Variants in PTPN5 observed in about 807,000 individuals in gnomAD.
PTPN5 encodes the protein protein tyrosine phosphatase non-receptor type 5.
In PTPN5, 29 loss-of-function variants were observed where a neutral mutation model predicts 73.9. The observed-to-expected ratio is 0.39, with a 90% CI of 0.29 to 0.54. The LOEUF (loss-of-function observed/expected upper bound fraction) is 0.54. PTPN5 is among the 20% of genes least tolerant of loss of function. The probability of loss-of-function intolerance (pLI) is 0.65; values close to 1 mark genes in which losing one functional copy is unlikely to be tolerated. For missense variants in PTPN5, 652 were observed against 751.4 expected, an observed-to-expected ratio of 0.87 and a Z score of 1.55; for synonymous variants, 267 against 304.7, an observed-to-expected ratio of 0.88 and a Z score of 1.29.
chr11:18,764,690 A>G (rs61056042), intron 3 of PTPN5, among the ~76,000 whole-genome samples: 3,948 of 151,824 alleles, frequency 0.026, 162 homozygotes, highest in African/African-American at 0.092. Flanking sequence ...AGAGTTCAAA[A>G]GACTTGTCTT....
intron 2 of PTPN5, among the ~76,000 whole-genome samples, chr11:18,768,555 A>C (rs1850737222): frequency 6.6e-6 from 1 of 152,172 alleles, no homozygotes; most frequent in Non-Finnish European, 1.5e-5. Context: ...CTGCTTTCAC[A>C]CCTTAAGCCT....
intron 1 of PTPN5, among the ~76,000 whole-genome samples, chr11:18,786,030 G>A (rs913793602): frequency 1.3e-5 from 2 of 152,210 alleles, no homozygotes; most frequent in Non-Finnish European, 2.9e-5. Flanking sequence ...GGGGACAAAG[G>A]AAGGAGGGTG....
chr11:18,755,897 G>A (rs1850109995), intron 3 of PTPN5, among the ~76,000 whole-genome samples: 1 of 150,744 alleles, frequency 6.6e-6, no homozygotes. Context: ...CCAGTTACTT[G>A]GAAGGCTGAG....
chr11:18,784,246 T>C (rs1008853927), intron 1 of PTPN5, among the ~76,000 whole-genome samples: 1 of 152,180 alleles, frequency 6.6e-6, no homozygotes, highest in Non-Finnish European at 1.5e-5. Flanking sequence ...TTATTCACAA[T>C]AGCCAAAAGG....
rs1197355623 is a variant in PTPN5 at position 18,777,982 on chromosome 11, GA to G, written c.-113-5912del. ...AGAAAGGAAGGAAGGAAGGAAGAAA[GA>G]AAGAAAGAAAGGAAGGAAGGAAGGA... On this transcript the variant is annotated intron_variant, in intron 1 of 14. Transcript: ENST00000358540. Among the ~76,000 whole-genome samples, 7 of 139,740 alleles carry G rather than the reference GA, an allele frequency of 5.0e-5. No homozygotes were observed. The East Asian group carries it at 6.2e-4, about 12-fold the overall frequency. The allele number at this position is 139,740 out of a possible 152,430, so 91.7% of individuals were successfully genotyped here.
In PTPN5 at chr11:18,729,682, C is replaced by A. The variant is rs1458836473; in HGVS notation, c.1466G>T (p.Cys489Phe). The change falls in exon 13 of 15, where the codon TGT becomes TTT. Residue 489 changes from cysteine (C) to phenylalanine (F), a missense_variant. Cys to Phe is a radical substitution (Grantham distance 205, BLOSUM62 -2). Around this residue, in one of 3 missense-constraint regions of PTPN5, gnomAD observed 102 missense variants for 160.5 expected, o/e 0.64. Transcript: ENST00000358540. This position sits in a 1 kb window ranked among gnomAD's most constrained non-coding sequence, Gnocchi z 5.2. ...CCTGCAGTGGACGATGATGGGGGCA[C>A]AGTGGGGCCCCTCCTGCTGGGCTGC... ...EEAAQQEGPH[C>F]APIIVHCSAG... 10 of 1,576,648 alleles carry A rather than the reference C, an allele frequency of 6.3e-6. No homozygotes were observed. Among genetic ancestry groups the A allele is most frequent in the Non-Finnish European group, 8.6e-6 (10 of 1,160,150 alleles).
chr11:18,740,370 A>G (rs1849308557), intron 8 of PTPN5: 2 of 381,822 alleles, frequency 5.2e-6, no homozygotes, highest in East Asian at 4.2e-5. Context: ...TGCACATGTT[A>G]TAAGTCTCTT....
rs771328469 is a variant in PTPN5, at chr11:18,733,342, C to G, written c.1111G>C (p.Ala371Pro). The G allele has an allele frequency of 6.2e-7, 1 of 1,614,008 alleles. No homozygotes were observed. Residue 371 changes from alanine (A) to proline (P), a missense_variant, in exon 11 of 15, where the codon GCC (alanine) becomes CCC (proline). Physicochemically the swap from Ala to Pro is conservative, Grantham distance 27. Coordinates refer to ENST00000358540, the MANE Select transcript of PTPN5 (RefSeq NM_006906.2). This position sits in a 1 kb window ranked among gnomAD's most constrained non-coding sequence, Gnocchi z 4.3. Reference protein sequence around the residue: ...GYGGEEKVYIATQGPIVSTVA... With the variant: ...GYGGEEKVYIPTQGPIVSTVA... ...GTGCTGACGATGGGTCCCTGAGTGG[C>G]GATGTACACCTTCTCCTCCCCACCA...
At chr11:18,746,816 A>C (rs190164332) in intron 3 of PTPN5, among the ~76,000 whole-genome samples, 133 of 152,312 alleles carry the variant, frequency 8.7e-4, no homozygotes, top group Middle Eastern at 3.4e-3. Context: ...CTGCTAAAAG[A>C]AGGATCACGT....
intron 3 of PTPN5, among the ~76,000 whole-genome samples, chr11:18,748,708 C>T (rs1220070947): frequency 6.6e-6 from 1 of 152,026 alleles, no homozygotes; most frequent in Non-Finnish European, 1.5e-5. Flanking sequence ...GGGCTAGGAG[C>T]CTGCCACTCT....
At chr11:18,789,413 C>T (rs4345940) in intron 1 of PTPN5, among the ~76,000 whole-genome samples, 60,981 of 151,984 alleles carry the variant, frequency 0.4, 12,737 homozygotes, top group East Asian at 0.71. Context: ...ATACTGACAC[C>T]GTACAGCCAG....
At chr11:18,734,004 G>A (rs532391008) in intron 9 of PTPN5, among the ~76,000 whole-genome samples, 1 of 152,352 alleles carries the variant, frequency 6.6e-6, no homozygotes, top group South Asian at 2.1e-4. Flanking sequence ...GCTAGCTTGA[G>A]TACACACTGT....
chr11:18,762,852 C>T (rs1850462558), intron 3 of PTPN5, among the ~76,000 whole-genome samples: 1 of 152,132 alleles, frequency 6.6e-6, no homozygotes, highest in Middle Eastern at 3.2e-3. Flanking sequence ...AGTGGTGGGG[C>T]CAAGCTGAGG....
At chr11:18,768,732 G>A (rs986755458) in intron 2 of PTPN5, among the ~76,000 whole-genome samples, 3 of 152,180 alleles carry the variant, frequency 2.0e-5, no homozygotes, top group African/African-American at 7.2e-5. Context: ...GCTCTTCCCT[G>A]TAGTCGAAGG....
At chr11:18,737,447 C>T (rs902102374) in intron 9 of PTPN5, among the ~76,000 whole-genome samples, 13 of 152,210 alleles carry the variant, frequency 8.5e-5, no homozygotes, top group African/African-American at 2.9e-4. Context: ...GAGCCTGACT[C>T]TGGGATCACA....
chr11:18,745,322 C>T (rs1356224982), intron 3 of PTPN5, among the ~76,000 whole-genome samples: 2 of 152,176 alleles, frequency 1.3e-5, no homozygotes, highest in East Asian at 3.8e-4. Flanking sequence ...ATGAGCTGCT[C>T]GCTCACTTGA....
rs997622047 is a variant in PTPN5 at position 18,765,766 on chromosome 11, A to C, written c.97+41T>G. Reference sequence around the variant, plus strand: ...GCTTCAGCCGGGGCATTGTCTCTCCATTCTGAGGTCTGGGAGGAGCTGGGT... The same window carrying C: ...GCTTCAGCCGGGGCATTGTCTCTCCCTTCTGAGGTCTGGGAGGAGCTGGGT... On this transcript the variant is annotated intron_variant, in intron 3 of 14. Coordinates refer to ENST00000358540, the MANE Select transcript of PTPN5 (RefSeq NM_006906.2). The C allele has an allele frequency of 2.9e-6, 4 of 1,394,690 alleles. No individual in the cohort carries two copies. In the South Asian group the frequency reaches 4.9e-5, roughly 17 times the overall value. The allele number at this position is 1,394,690 out of a possible 1,614,324, so 86.4% of individuals were successfully genotyped here.
rs746388719 is a variant in PTPN5, at chr11:18,744,107, G to T, written c.190C>A (p.Pro64Thr). 4.3e-6 allele frequency: 7 copies of T among 1,611,488 alleles called. No homozygotes were observed. Among genetic ancestry groups the T allele is most frequent in the South Asian group, 3.3e-5 (3 of 90,680 alleles). The change falls in exon 4 of 15, where the codon CCG becomes ACG. Residue 64 changes from proline (P) to threonine (T), a missense_variant. Coordinates refer to ENST00000358540, the MANE Select transcript of PTPN5 (RefSeq NM_006906.2). ...GGCTTCTGAGCTGGATCTGAGGGCG[G>T]CGAGGGAGGAGGGGGTGGCGGCATC... ...REMPPPPPPS[P>T]PSDPAQKPPP...
At chr11:18,747,429 GCGTGAGCCA>G in intron 3 of PTPN5, among the ~76,000 whole-genome samples, 1 of 152,262 alleles carries the variant, frequency 6.6e-6, no homozygotes, top group East Asian at 1.9e-4. Context: ...GGAATTACAG[GCGTGAGCCA>G]CCGCGCCTGG....
Sources: allele counts gnomAD v4.1 joint callset (sites outside exome capture counted in the v4.1 genomes callset), GRCh38; gene constraint gnomAD v4.1.1; regional missense constraint gnomAD v4.1.1; non-coding constraint Gnocchi (gnomAD v3.1); transcripts MANE v1.5; gene names NCBI Gene and HGNC (gene_info 2026-07-23, HGNC 2026-07-21).